Variants in GUCY1A2 observed in about 807,000 individuals in gnomAD.
GUCY1A2 encodes guanylate cyclase soluble subunit alpha-2.
Under a neutral mutation model 63.5 loss-of-function variants are expected in GUCY1A2, and 27 were observed. That is an observed-to-expected ratio of 0.43 (90% CI 0.31 to 0.59). GUCY1A2 has a LOEUF of 0.59. GUCY1A2 is among the 20% of genes least tolerant of loss of function. The pLI, the probability that GUCY1A2 is intolerant of heterozygous loss-of-function variation, is 0.11. For synonymous variants in GUCY1A2, 364 were observed against 343.5 expected (o/e 1.06, Z -0.66); for missense variants, 768 against 913.3 (o/e 0.84, Z 2.05).
chr11:106,979,015 T>C (rs1380595815), intron 2 of GUCY1A2, among the ~76,000 whole-genome samples: 1 of 152,212 alleles, frequency 6.6e-6, no homozygotes, highest in Non-Finnish European at 1.5e-5. Context: ...AGCTAATGTA[T>C]CACTCTGAGA....
At chr11:106,698,940 TA>T (rs1048043242) in intron 7 of GUCY1A2, among the ~76,000 whole-genome samples, 99 of 152,038 alleles carry the variant, frequency 6.5e-4, no homozygotes, top group African/African-American at 2.3e-3. Flanking sequence ...ATGAGAATAT[TA>T]AAAAAAACTC....
chr11:106,780,833 C>T (rs745350874), intron 5 of GUCY1A2, among the ~76,000 whole-genome samples: 1 of 151,790 alleles, frequency 6.6e-6, no homozygotes, highest in Non-Finnish European at 1.5e-5. Flanking sequence ...CAGATATATT[C>T]GGCACCTTAA....
intron 7 of GUCY1A2, among the ~76,000 whole-genome samples, chr11:106,702,999 C>T (rs1010965518): frequency 2.6e-5 from 4 of 152,250 alleles, no homozygotes; most frequent in African/African-American, 9.6e-5. Context: ...GAAGGGCGGA[C>T]CCACCCTCAA....
intron 4 of GUCY1A2, among the ~76,000 whole-genome samples, chr11:106,897,658 A>C (rs761878161): frequency 2.0e-5 from 3 of 150,402 alleles, no homozygotes; most frequent in Non-Finnish European, 4.5e-5. Flanking sequence ...TCGAATTACA[A>C]AAAAAAAAAT....
chr11:106,990,510 C>G (rs1427067780), intron 1 of GUCY1A2, among the ~76,000 whole-genome samples: 6 of 152,254 alleles, frequency 3.9e-5, no homozygotes, highest in Admixed American at 2.0e-4. Context: ...CCACACAGTC[C>G]CTGCTCTGGA....
intron 4 of GUCY1A2, among the ~76,000 whole-genome samples, chr11:106,859,891 T>A (rs1041136223): frequency 2.0e-5 from 3 of 151,922 alleles, no homozygotes; most frequent in African/African-American, 7.2e-5. Context: ...CCATCTAGAT[T>A]TGTGTAAGTA....
intron 6 of GUCY1A2, among the ~76,000 whole-genome samples, chr11:106,757,141 G>A (rs1051815706): frequency 1.3e-5 from 2 of 151,616 alleles, no homozygotes; most frequent in African/African-American, 4.8e-5. Context: ...GATAGATTTG[G>A]CTATTGAAGC....
At chr11:106,907,648 A>G (rs1348683637) in intron 4 of GUCY1A2, among the ~76,000 whole-genome samples, 2 of 152,002 alleles carry the variant, frequency 1.3e-5, no homozygotes, top group Admixed American at 1.3e-4. Flanking sequence ...GAGTGAGAAC[A>G]TGCGGTGTTT....
intron 4 of GUCY1A2, among the ~76,000 whole-genome samples, chr11:106,828,599 G>A (rs887199447): frequency 1.8e-4 from 28 of 152,092 alleles, no homozygotes; most frequent in African/African-American, 6.8e-4. Context: ...ATTGTATCAA[G>A]TATCATCTTG....
intron 3 of GUCY1A2, among the ~76,000 whole-genome samples, chr11:106,971,609 T>C (rs1861195457): frequency 6.6e-6 from 1 of 152,126 alleles, no homozygotes; most frequent in African/African-American, 2.4e-5. Context: ...ATGATCCATA[T>C]GGTAATGGAG....
At chr11:106,996,862 T>C (rs1043318008) in intron 1 of GUCY1A2, among the ~76,000 whole-genome samples, 1 of 152,224 alleles carries the variant, frequency 6.6e-6, no homozygotes, top group Non-Finnish European at 1.5e-5. Flanking sequence ...TAATTGGATC[T>C]AGTGTTGACT....
chr11:106,906,317 C>T (rs1026994264), intron 4 of GUCY1A2, among the ~76,000 whole-genome samples: 8 of 152,112 alleles, frequency 5.3e-5, no homozygotes, highest in Non-Finnish European at 8.8e-5. Flanking sequence ...GACAGTTATG[C>T]AGCCAACAAA....
At chr11:106,725,410 G>T (rs1863390601) in intron 6 of GUCY1A2, among the ~76,000 whole-genome samples, 1 of 47,186 alleles carries the variant, frequency 2.1e-5, no homozygotes, top group Non-Finnish European at 5.0e-5. Context: ...CTGACCTCGT[G>T]ATCCGCCCGC....
rs571063374 is a variant in GUCY1A2, at chr11:106,738,860, G to A, written c.1837-30194C>T. Among the ~76,000 whole-genome samples the A allele has an allele frequency of 3.1e-4, 47 of 152,256 alleles. No homozygotes were observed. The South Asian group carries it at 5.4e-3, about 17-fold the overall frequency. On this transcript the variant is annotated intron_variant, in intron 6 of 7. Transcript: ENST00000526355. ...AGCTTAGTTCTTTTTGCTTGGGATT[G>A]TCTTGGCTATACGGGTTCTTTTTTG...
chr11:106,855,827 T>C (rs1859421958), intron 4 of GUCY1A2, among the ~76,000 whole-genome samples: 1 of 152,140 alleles, frequency 6.6e-6, no homozygotes, highest in Non-Finnish European at 1.5e-5. Context: ...TTAAAATAAA[T>C]TTTGAAATCA....
intron 4 of GUCY1A2, among the ~76,000 whole-genome samples, chr11:106,876,047 T>TA (rs1412913605): frequency 1.3e-4 from 20 of 152,058 alleles, no homozygotes; most frequent in African/African-American, 4.8e-4. Flanking sequence ...AAGCTCCAGT[T>TA]AAGATGTACT....
At chr11:106,908,543 A>C (rs976324758) in intron 4 of GUCY1A2, among the ~76,000 whole-genome samples, 23 of 151,998 alleles carry the variant, frequency 1.5e-4, no homozygotes, top group African/African-American at 4.8e-4. Context: ...AGTGATAAAT[A>C]ACATATGAAT....
At chr11:107,001,463 G>A (rs1861611237) in intron 1 of GUCY1A2, among the ~76,000 whole-genome samples, 1 of 152,004 alleles carries the variant, frequency 6.6e-6, no homozygotes, top group Non-Finnish European at 1.5e-5. Flanking sequence ...TTGCTCCACA[G>A]ATTTAGGGTT....
intron 7 of GUCY1A2, among the ~76,000 whole-genome samples, chr11:106,694,351 G>T (rs1204124149): frequency 6.6e-6 from 1 of 152,096 alleles, no homozygotes; most frequent in Non-Finnish European, 1.5e-5. Context: ...CCCAAAATTT[G>T]TTCTCCCTTT....
Sources: gnomAD v4.1 joint callset for allele counts (sites outside exome capture counted in the v4.1 genomes callset) on GRCh38, gnomAD v4.1.1 for gene constraint, MANE v1.5 for transcripts, NCBI Gene and HGNC (gene_info 2026-07-23, HGNC 2026-07-21) for gene names.